OBSL1: variants seen among roughly 807,000 people sequenced by gnomAD.
The protein encoded by OBSL1 is obscurin-like protein 1.
In OBSL1, 160 loss-of-function variants were observed where a neutral mutation model predicts 172.0. That is an observed-to-expected ratio of 0.93 (90% CI 0.82 to 1.06). OBSL1 has a LOEUF of 1.06. Ranked by LOEUF, OBSL1 falls within the 50% of genes least tolerant of loss-of-function variation. The pLI is 0.00. For missense variants in OBSL1, 2,681 were observed against 2,715.4 expected, an observed-to-expected ratio of 0.99 and a Z score of 0.28; for synonymous variants, 1,200 against 1,196.3, an observed-to-expected ratio of 1.00 and a Z score of -0.06.
chr2:219,556,225 GAGACACA>G lies in OBSL1; in HGVS notation c.4397_4403del (p.Val1466AlafsTer68). The G allele has an allele frequency of 6.2e-7, 1 of 1,609,036 alleles. No individual in the cohort carries two copies. Among genetic ancestry groups the G allele is most frequent in the Non-Finnish European group, 8.5e-7 (1 of 1,176,856 alleles). On this transcript the variant is annotated frameshift_variant, in exon 14 of 21. Coordinates refer to ENST00000404537, the MANE Select transcript of OBSL1 (RefSeq NM_015311.3). LOFTEE classifies it high-confidence loss of function. ...CACCCACTCGGCCTGTCTCCACTTC[GAGACACA>G]CATCCTGGCCTTCCTCTGCCCGCAC... is the stretch of plus-strand genomic sequence containing the variant.
chr2:219,568,382 T>C lies in OBSL1; in HGVS notation c.1013-58A>G, dbSNP rs1697089318. 1 of 1,492,252 alleles carries C rather than the reference T, an allele frequency of 6.7e-7. No individual in the cohort carries two copies. The highest frequency in any genetic ancestry group is 9.0e-7 in the Non-Finnish European group (1 of 1,109,468). The allele number at this position is 1,492,252 out of a possible 1,614,324, so 92.4% of individuals were successfully genotyped here. On this transcript the variant is annotated intron_variant, in intron 1 of 20. Transcript: ENST00000404537. This position sits in a 1 kb window ranked among gnomAD's most constrained non-coding sequence, Gnocchi z 4.1. ...CTCTGGAGAAGGCCCAGACTAGGAGTAGGATACCTAGAAGCGCATTAGCTC... is the reference window on the plus strand; with the variant it reads ...CTCTGGAGAAGGCCCAGACTAGGAGCAGGATACCTAGAAGCGCATTAGCTC...
chr2:219,559,099 G>T, intron 9 of OBSL1, 126 bp downstream of exon 9: 2 of 944,002 alleles, frequency 2.1e-6, no homozygotes, highest in Non-Finnish European at 3.1e-6. Flanking sequence ...GATTCTGATG[G>T]CCAAACATGA....
At chr2:219,552,273 C>G in intron 18 of OBSL1, 57 bp from the exon 19 acceptor site, 1 of 1,484,980 alleles carries the variant, frequency 6.7e-7, no homozygotes, top group South Asian at 1.2e-5. Context: ...GCGTTGGGGA[C>G]GAAGGTGGGG....
At chr2:219,556,353 T>C in intron 13 of OBSL1, 61 bp from the exon 14 acceptor site, 1 of 1,572,234 alleles carries the variant, frequency 6.4e-7, no homozygotes, top group Admixed American at 1.7e-5. Flanking sequence ...CCTTGCTCCA[T>C]CCCACTGGTC....
intron 13 of OBSL1, 33 bp downstream of exon 13, chr2:219,556,421 A>G (rs767776089): frequency 1.6e-5 from 25 of 1,611,658 alleles, no homozygotes; most frequent in Non-Finnish European, 2.1e-5. Context: ...CAGGCACGGG[A>G]CACAGAGTAT....
rs553290270 is a variant in OBSL1, at chr2:219,562,432, C to G, written c.2923G>C (p.Glu975Gln). ...SGEYLCEIDD[E>Q]SASFTVTVTE... Reference sequence around the variant, plus strand: ...ACGGTGACAGTGAAGGAGGCCGACTCATCGTCAATTTCACACAAGTACTCG... The same window carrying G: ...ACGGTGACAGTGAAGGAGGCCGACTGATCGTCAATTTCACACAAGTACTCG... Residue 975 changes from glutamate to glutamine, a missense_variant, in exon 8 of 21, where the codon GAG becomes CAG. By Grantham distance (29) the Glu-to-Gln change is conservative (BLOSUM62 2). Transcript: ENST00000404537. 1.2e-6 allele frequency: 2 copies of G among 1,613,884 alleles called. No homozygotes were observed. Among genetic ancestry groups the G allele is most frequent in the Non-Finnish European group, 1.7e-6 (2 of 1,179,848 alleles).
In OBSL1 at chr2:219,559,438, C is replaced by T; in HGVS notation, c.3013G>A (p.Glu1005Lys). ...DEVTLIAVTL[E>K]CVVLMCELSR... ...AGTTCACACATCAGCACCACACACT[C>T]CAAGGTCACGGCGATCAAGGTCACC... The change falls in exon 9 of 21, where the codon GAG becomes AAG. Residue 1005 changes from glutamate (E) to lysine (K), a missense_variant. By Grantham distance (56) the Glu-to-Lys change is moderately conservative (BLOSUM62 1). Coordinates refer to ENST00000404537, the MANE Select transcript of OBSL1 (RefSeq NM_015311.3). 2 of 1,613,838 alleles carry T rather than the reference C, an allele frequency of 1.2e-6. No homozygotes were observed. Among genetic ancestry groups the T allele is most frequent in the Non-Finnish European group, 1.7e-6 (2 of 1,179,864 alleles).
At chr2:219,557,685 G>T in intron 11 of OBSL1, 67 bp from the exon 12 acceptor site, 11 of 1,504,722 alleles carry the variant, frequency 7.3e-6, no homozygotes, top group Non-Finnish European at 9.7e-6. Flanking sequence ...GCACGGGGAG[G>T]CATGACGGGG....
chr2:219,554,911 T>G (rs1165597877), intron 14 of OBSL1, 171 bp from the exon 15 acceptor site: 4 of 651,546 alleles, frequency 6.1e-6, no homozygotes, highest in Non-Finnish European at 1.0e-5. Context: ...TGGACAGATT[T>G]GGCGGGGGGA....
chr2:219,563,342 C>T lies in OBSL1; in HGVS notation c.2680+13G>A. 1 of 1,549,038 alleles carries T rather than the reference C, an allele frequency of 6.5e-7. No individual in the cohort carries two copies. The highest frequency in any genetic ancestry group is 1.2e-5 in the South Asian group (1 of 80,436). ...CCTTCCCCTGTGCCTCCGAGGCCCA[C>T]CTGGCCCCCCACCTGTGATGGTGAC... On this transcript the variant is annotated intron_variant, in intron 7 of 20. Transcript: ENST00000404537.
At chr2:219,550,575 C>G, downstream of OBSL1, 1 of 543,384 alleles carries the variant, frequency 1.8e-6, no homozygotes, top group South Asian at 2.4e-5. Flanking sequence ...ATGTGCCAAA[C>G]TGTGTGGCCT....
chr2:219,563,602 G>A lies in OBSL1; in HGVS notation c.2433C>T (p.Pro811=), dbSNP rs1696661308. The A allele has an allele frequency of 6.2e-7, 1 of 1,613,540 alleles. No homozygotes were observed. The highest frequency in any genetic ancestry group is 8.5e-7 in the Non-Finnish European group (1 of 1,179,658). ...VQDPPVHIVD[P]REHVFVHAIT... is the part of the protein sequence containing the mutation. The stretch of plus-strand genomic sequence containing the variant: ...TGGCATGCACGAACACATGTTCTCG[G>A]GGGTCCACGATGTGCACGGGAGGAT... Residue 811 remains proline (P), a synonymous_variant, in exon 7 of 21, where the codon CCC becomes CCT. Transcript: ENST00000404537.
chr2:219,554,948 G>A (rs1404619963), intron 14 of OBSL1, among the ~76,000 whole-genome samples: 1 of 152,142 alleles, frequency 6.6e-6, no homozygotes, highest in Non-Finnish European at 1.5e-5. Context: ...AGGAGATGAG[G>A]GCACAGGAAG....
downstream of OBSL1, chr2:219,549,855 C>G: frequency 6.2e-7 from 1 of 1,613,766 alleles, no homozygotes; most frequent in African/African-American, 1.3e-5. Flanking sequence ...GCGGGTATAG[C>G]CATATCTGTC....
chr2:219,548,136 T>C (rs777284452), downstream of OBSL1: 210 of 1,433,716 alleles, frequency 1.5e-4, no homozygotes, highest in Non-Finnish European at 1.8e-4. Context: ...CAGGGATGGG[T>C]TGGGGGCCAA....
At chr2:219,549,854 G>A, downstream of OBSL1, 21 of 1,613,804 alleles carry the variant, frequency 1.3e-5, no homozygotes, top group Non-Finnish European at 1.8e-5. Context: ...TGCGGGTATA[G>A]CCATATCTGT....
In OBSL1 at chr2:219,570,802, T is replaced by G; in HGVS notation, c.431A>C (p.Glu144Ala). The part of the protein sequence containing the change: ...PRSQWVLRGA[E>A]VVLTCRAGGL... ...CCCCGCCCGGCACGTCAGCACCACC[T>G]CCGCCCCCCGCAGCACCCACTGGGA... Residue 144 changes from glutamate to alanine, a missense_variant, in exon 1 of 21, where the codon GAG (glutamate) becomes GCG (alanine). This residue lies in a region of OBSL1 where 706 missense variants were observed against 695.8 expected (regional missense o/e 1.01). Coordinates refer to ENST00000404537, the MANE Select transcript of OBSL1 (RefSeq NM_015311.3). The G allele has an allele frequency of 6.7e-7, 1 of 1,490,962 alleles. No individual in the cohort carries two copies. The allele number at this position is 1,490,962 out of a possible 1,614,324, so 92.4% of individuals were successfully genotyped here.
downstream of OBSL1, chr2:219,547,811 C>A: frequency 6.3e-7 from 1 of 1,591,820 alleles, no homozygotes; most frequent in Non-Finnish European, 8.5e-7. Context: ...GGGGGGCGGC[C>A]TGCTCTGTGC....
Position 219,571,046 on chromosome 2 carries a change from C to G in OBSL1, c.187G>C (p.Asp63His). Reference sequence around the variant, plus strand: ...AGCAGCAGGCCGTGCTCCGCGCCGTCCGCCGGGAAGCTCAGGCGTTCCGAG... The same window carrying G: ...AGCAGCAGGCCGTGCTCCGCGCCGTGCGCCGGGAAGCTCAGGCGTTCCGAG... ...AASERLSFPA[D>H]GAEHGLLLTA... The change falls in exon 1 of 21, where the codon GAC becomes CAC. Residue 63 changes from aspartate to histidine, a missense_variant. Around this residue, in one of 5 missense-constraint regions of OBSL1, gnomAD observed 67 missense variants for 109.3 expected, o/e 0.61. Coordinates refer to ENST00000404537, the MANE Select transcript of OBSL1 (RefSeq NM_015311.3). 1 of 1,459,394 alleles carries G rather than the reference C, an allele frequency of 6.9e-7. No homozygotes were observed. The highest frequency in any genetic ancestry group is 9.0e-7 in the Non-Finnish European group (1 of 1,108,132). The allele number at this position is 1,459,394 out of a possible 1,614,324, so 90.4% of individuals were successfully genotyped here.
Sources: allele counts gnomAD v4.1 joint callset (sites outside exome capture counted in the v4.1 genomes callset), GRCh38; gene constraint gnomAD v4.1.1; regional missense constraint gnomAD v4.1.1; non-coding constraint Gnocchi (gnomAD v3.1); transcripts MANE v1.5; gene names NCBI Gene and HGNC (gene_info 2026-07-23, HGNC 2026-07-21).